The following SHB variants were observed in gnomAD, a reference collection of about 807,000 sequenced individuals.
The protein encoded by SHB is SH2 domain-containing adapter protein B.
In SHB, 20 loss-of-function variants were observed where a neutral mutation model predicts 52.3. The ratio of observed to expected loss-of-function variants is 0.38; its 90% CI spans 0.27 to 0.56. The LOEUF (loss-of-function observed/expected upper bound fraction) is 0.56, where lower values mean the gene tolerates loss of function less well. SHB is among the 20% of genes least tolerant of loss of function. SHB has a pLI of 0.71. For synonymous variants in SHB, 397 were observed against 316.5 expected, an observed-to-expected ratio of 1.25 and a Z score of -2.70; for missense variants, 825 against 723.3, an observed-to-expected ratio of 1.14 and a Z score of -1.61.
At chr9:37,983,929 T>C (rs1820772020) in intron 2 of SHB, among the ~76,000 whole-genome samples, 2 of 152,184 alleles carry the variant, frequency 1.3e-5, no homozygotes, top group East Asian at 1.9e-4. Flanking sequence ...CCGACAGGCA[T>C]AGCAGCACTG....
intron 2 of SHB, among the ~76,000 whole-genome samples, chr9:37,981,733 G>C (rs1036501864): frequency 6.6e-6 from 1 of 152,136 alleles, no homozygotes; most frequent in African/African-American, 2.4e-5. Flanking sequence ...TGAACATGTA[G>C]AGGCCATTGT....
At chr9:38,041,056 C>T (rs1472111290) in intron 1 of SHB, among the ~76,000 whole-genome samples, 2 of 152,020 alleles carry the variant, frequency 1.3e-5, no homozygotes, top group Non-Finnish European at 2.9e-5. Flanking sequence ...TTGTCCTTAC[C>T]GAAGTCCTCT....
At chr9:37,951,601 G>T (rs1410937730) in intron 4 of SHB, among the ~76,000 whole-genome samples, 2 of 152,260 alleles carry the variant, frequency 1.3e-5, no homozygotes, top group South Asian at 2.1e-4. Flanking sequence ...GAAAGGCCTA[G>T]AAGTGGTCTC....
Position 37,917,289 on chromosome 9 carries a change from C to A in SHB, c.*2532G>T, listed in dbSNP as rs1211376042. ...TGCTGGCCTCTGTCCCTGAGAGGGG[C>A]AGGAGGTTGGGCCTCCCAGGGAAAC... On this transcript the variant is annotated 3_prime_UTR_variant, in exon 6 of 6. Transcript: ENST00000377707. 1.3e-5 allele frequency among the ~76,000 whole-genome samples: 2 copies of A among 152,150 alleles called. No homozygotes were observed. Among genetic ancestry groups the A allele is most frequent in the Non-Finnish European group, 2.9e-5 (2 of 68,034 alleles).
At chr9:37,987,313 G>C (rs1200379153) in intron 2 of SHB, among the ~76,000 whole-genome samples, 1 of 152,228 alleles carries the variant, frequency 6.6e-6, no homozygotes, top group Non-Finnish European at 1.5e-5. Context: ...TAACTCTCAA[G>C]ACAACCCCAT....
chr9:37,929,835 G>A (rs965433881), intron 5 of SHB, among the ~76,000 whole-genome samples: 3 of 152,238 alleles, frequency 2.0e-5, no homozygotes, highest in Admixed American at 1.3e-4. Flanking sequence ...TGGGCGTGGT[G>A]ACTCATGCAC....
chr9:37,928,753 C>CT (rs1225718436), intron 5 of SHB, among the ~76,000 whole-genome samples: 1 of 152,252 alleles, frequency 6.6e-6, no homozygotes, highest in Non-Finnish European at 1.5e-5. Context: ...TCCCGGCTCG[C>CT]CTGGCCCCTT....
At chr9:37,948,804 T>C (rs1832525214) in intron 4 of SHB, 50 bp from the exon 5 acceptor site, 1 of 1,609,334 alleles carries the variant, frequency 6.2e-7, no homozygotes, top group East Asian at 2.2e-5. Flanking sequence ...GGGATTCCCA[T>C]GGCCCTGACC....
At chr9:37,924,273 C>A (rs919637179) in intron 5 of SHB, among the ~76,000 whole-genome samples, 13 of 152,196 alleles carry the variant, frequency 8.5e-5, no homozygotes, top group African/African-American at 2.7e-4. Context: ...TAATAACAGG[C>A]CCCACCTTGC....
intron 5 of SHB, among the ~76,000 whole-genome samples, chr9:37,932,663 G>A (rs1362241948): frequency 6.6e-6 from 1 of 152,028 alleles, no homozygotes; most frequent in Admixed American, 6.6e-5. Flanking sequence ...CCAGGCTGGA[G>A]AGCAGTGGTA....
intron 3 of SHB, among the ~76,000 whole-genome samples, chr9:37,965,681 T>C (rs1040455221): frequency 1.3e-5 from 2 of 151,910 alleles, no homozygotes; most frequent in Non-Finnish European, 2.9e-5. Flanking sequence ...GTTCAAGTGA[T>C]TCTCCTGCCT....
At chr9:37,964,632 A>C (rs1212490897) in intron 3 of SHB, among the ~76,000 whole-genome samples, 1 of 152,150 alleles carries the variant, frequency 6.6e-6, no homozygotes, top group Non-Finnish European at 1.5e-5. Context: ...CAACAGTTAG[A>C]CGTGAACTTG....
intron 3 of SHB, among the ~76,000 whole-genome samples, chr9:37,958,868 GAGA>G (rs142100776): frequency 0.011 from 1,695 of 152,326 alleles, 9 homozygotes; most frequent in Non-Finnish European, 0.017. Flanking sequence ...AGGGGGTTGG[GAGA>G]AGGAGAGAAA....
chr9:37,936,398 A>G (rs903478250), intron 5 of SHB, among the ~76,000 whole-genome samples: 1 of 152,232 alleles, frequency 6.6e-6, no homozygotes, highest in South Asian at 2.1e-4. Flanking sequence ...GCGTACATGC[A>G]TGTGATATAC....
intron 1 of SHB, among the ~76,000 whole-genome samples, chr9:38,058,211 G>A (rs1242443774): frequency 6.6e-6 from 1 of 152,182 alleles, no homozygotes; most frequent in Admixed American, 6.5e-5. Flanking sequence ...CATCTCCCAT[G>A]AGGCCTCCTC....
intron 4 of SHB, among the ~76,000 whole-genome samples, chr9:37,955,204 G>A (rs773132454): frequency 6.6e-6 from 1 of 152,232 alleles, no homozygotes; most frequent in African/African-American, 2.4e-5. Context: ...TTTGCTGCAT[G>A]ATGAAATGAG....
At chr9:37,970,792 A>G (rs1194272906) in intron 3 of SHB, among the ~76,000 whole-genome samples, 1 of 151,658 alleles carries the variant, frequency 6.6e-6, no homozygotes, top group East Asian at 1.9e-4. Flanking sequence ...GTTCTAACCA[A>G]AATTCTTACC....
rs148704440 is a variant in SHB, at chr9:38,000,474, G to A, written c.838+15537C>T. On this transcript the variant is annotated intron_variant, in intron 2 of 5. Coordinates refer to ENST00000377707, the MANE Select transcript of SHB (RefSeq NM_003028.3). ...GGCCCTGCACTCATGGATCTTCAGG[G>A]CAGCCTGCCCTTCACCTTGACCCAA... 1.2e-4 allele frequency among the ~76,000 whole-genome samples: 18 copies of A among 152,352 alleles called. No homozygotes were observed. In the East Asian group the frequency reaches 1.7e-3, roughly 15 times the overall value.
chr9:38,035,753 C>T (rs1041316699), intron 1 of SHB, among the ~76,000 whole-genome samples: 5 of 152,180 alleles, frequency 3.3e-5, no homozygotes, highest in Non-Finnish European at 7.3e-5. Context: ...GAGGGTCATA[C>T]AGTACTCCTG....
Sources: allele counts gnomAD v4.1 joint callset (sites outside exome capture counted in the v4.1 genomes callset), GRCh38; gene constraint gnomAD v4.1.1; transcripts MANE v1.5; gene names NCBI Gene and HGNC (gene_info 2026-07-23, HGNC 2026-07-21).